FOCAD: variants seen among roughly 807,000 people sequenced by gnomAD.
FOCAD encodes the protein KIAA1797.
Under a neutral mutation model 225.6 loss-of-function variants are expected in FOCAD, and 198 were observed. The observed-to-expected ratio is 0.88, with a 90% CI of 0.78 to 0.99. The LOEUF (loss-of-function observed/expected upper bound fraction) is 0.99, where lower values mean the gene tolerates loss of function less well. FOCAD is among the 50% of genes least tolerant of loss of function. FOCAD has a pLI of 0.00. For synonymous variants in FOCAD, 897 were observed against 755.0 expected (o/e 1.19, Z -3.08); for missense variants, 2,713 against 2,123.6 (o/e 1.28, Z -5.46).
chr9:20,959,208 T>C (rs2132443254), intron 35 of FOCAD, among the ~76,000 whole-genome samples: 1 of 152,276 alleles, frequency 6.6e-6, no homozygotes, highest in South Asian at 2.1e-4. Context: ...TGTTTTTTGT[T>C]TGTTTGTTTG....
chr9:20,994,802 C>T lies in FOCAD; in HGVS notation c.5333-754C>T, dbSNP rs147321456. Among the ~76,000 whole-genome samples, 362 of 152,190 alleles carry T rather than the reference C, an allele frequency of 2.4e-3. 1 individual carries two copies. The highest frequency in any genetic ancestry group is 7.9e-3 in the African/African-American group (330 of 41,522). ...CCCTCTTAGGTTACAAAGATAACAA[C>T]GCATATGGATGAGGAAAGCAATCAT... is the stretch of plus-strand genomic sequence containing the variant. On this transcript the variant is annotated intron_variant, in intron 43 of 43. Transcript: ENST00000338382.
chr9:20,722,976 G>C (rs1297739171), intron 4 of FOCAD, among the ~76,000 whole-genome samples: 1 of 152,190 alleles, frequency 6.6e-6, no homozygotes, highest in African/African-American at 2.4e-5. Context: ...AGTATCTTCT[G>C]TGTATTTGAG....
intron 1 of FOCAD, among the ~76,000 whole-genome samples, chr9:20,703,664 T>C (rs1824157315): frequency 1.3e-5 from 2 of 152,096 alleles, no homozygotes. Context: ...ATTTTTCTAC[T>C]TCATTACTGC....
At chr9:20,954,716 T>A (rs1837979046) in intron 35 of FOCAD, among the ~76,000 whole-genome samples, 1 of 152,230 alleles carries the variant, frequency 6.6e-6, no homozygotes, top group African/African-American at 2.4e-5. Flanking sequence ...AATGAAGTAT[T>A]AAGAATGCCA....
intron 21 of FOCAD, among the ~76,000 whole-genome samples, chr9:20,886,769 T>C (rs1831137110): frequency 6.6e-6 from 1 of 152,210 alleles, no homozygotes; most frequent in African/African-American, 2.4e-5. Flanking sequence ...ATGTAGTTCA[T>C]TTGCTTAAAA....
At position 20,758,203 on chromosome 9, in the gene FOCAD, T is replaced by C. The variant is rs1341747497; in HGVS notation, c.494+12T>C. 6.3e-7 allele frequency: 1 copy of C among 1,591,042 alleles called. No homozygotes were observed. Among genetic ancestry groups the C allele is most frequent in the Non-Finnish European group, 8.6e-7 (1 of 1,163,614 alleles). Reference sequence around the variant, plus strand: ...CAGTGCCCTGAAAGGTAATGTAAAATAAAAGTGTAAAATAAAGTGAGGGAG... The same window carrying C: ...CAGTGCCCTGAAAGGTAATGTAAAACAAAAGTGTAAAATAAAGTGAGGGAG... On this transcript the variant is annotated intron_variant, in intron 6 of 43. Coordinates refer to ENST00000338382, the MANE Select transcript of FOCAD (RefSeq NM_001375567.1).
At chr9:20,956,699 C>T (rs1838164185) in intron 35 of FOCAD, among the ~76,000 whole-genome samples, 1 of 152,010 alleles carries the variant, frequency 6.6e-6, no homozygotes, top group Non-Finnish European at 1.5e-5. Flanking sequence ...GTGTTTGATT[C>T]CTTTTTTGTT....
intron 15 of FOCAD, among the ~76,000 whole-genome samples, chr9:20,842,706 C>T (rs968905092): frequency 1.3e-5 from 2 of 151,908 alleles, no homozygotes; most frequent in African/African-American, 4.8e-5. Flanking sequence ...GAGTTTAGGC[C>T]ACTTATATTC....
At chr9:20,972,787 T>G (rs948832319) in intron 35 of FOCAD, among the ~76,000 whole-genome samples, 2 of 152,220 alleles carry the variant, frequency 1.3e-5, no homozygotes, top group Non-Finnish European at 2.9e-5. Context: ...GACTCTGCCC[T>G]ATTTCTTCTT....
intron 35 of FOCAD, among the ~76,000 whole-genome samples, chr9:20,955,301 T>G (rs1391224423): frequency 6.6e-6 from 1 of 152,162 alleles, no homozygotes; most frequent in Non-Finnish European, 1.5e-5. Context: ...TGGTCTCAAA[T>G]TTAGCCAATC....
chr9:20,967,666 A>C (rs1011071471), intron 35 of FOCAD, among the ~76,000 whole-genome samples: 6 of 152,002 alleles, frequency 3.9e-5, no homozygotes, highest in African/African-American at 1.2e-4. Flanking sequence ...TTAACATAGT[A>C]TTATGTGTGT....
At chr9:20,785,931 T>G (rs1310623691) in intron 10 of FOCAD, among the ~76,000 whole-genome samples, 1 of 152,218 alleles carries the variant, frequency 6.6e-6, no homozygotes, top group Non-Finnish European at 1.5e-5. Context: ...ATTGTTTATC[T>G]TTTTGATGGT....
At chr9:20,711,264 A>T (rs1173769224) in intron 1 of FOCAD, among the ~76,000 whole-genome samples, 1 of 152,210 alleles carries the variant, frequency 6.6e-6, no homozygotes, top group African/African-American at 2.4e-5. Flanking sequence ...GATTGAGCAG[A>T]TTTTGAACAT....
intron 6 of FOCAD, among the ~76,000 whole-genome samples, chr9:20,762,492 A>G (rs969687236): frequency 7.9e-5 from 12 of 152,184 alleles, no homozygotes; most frequent in African/African-American, 2.2e-4. Flanking sequence ...AGTGAGGTAT[A>G]CTGTAGGTGA....
chr9:20,916,527 C>G (rs763509857), intron 23 of FOCAD, among the ~76,000 whole-genome samples: 16 of 152,158 alleles, frequency 1.1e-4, no homozygotes, highest in Non-Finnish European at 2.4e-4. Context: ...GATTAGGATT[C>G]AATTTCAAAT....
chr9:20,775,120 C>T (rs962726942), intron 8 of FOCAD, among the ~76,000 whole-genome samples: 1 of 152,168 alleles, frequency 6.6e-6, no homozygotes, highest in African/African-American at 2.4e-5. Flanking sequence ...ACTCTGTTCT[C>T]TTTCTACTCT....
intron 15 of FOCAD, among the ~76,000 whole-genome samples, chr9:20,860,083 T>C (rs1828622141): frequency 6.6e-6 from 1 of 152,152 alleles, no homozygotes; most frequent in South Asian, 2.1e-4. Flanking sequence ...AAAAGAGCTG[T>C]TGTTAAAAGA....
chr9:20,701,390 C>G (rs1267247680), intron 1 of FOCAD, among the ~76,000 whole-genome samples: 1 of 152,160 alleles, frequency 6.6e-6, no homozygotes, highest in African/African-American at 2.4e-5. Context: ...AGGTTTCCTG[C>G]CAGCTAAGTA....
intron 7 of FOCAD, among the ~76,000 whole-genome samples, chr9:20,766,510 A>G (rs965806775): frequency 2.6e-5 from 4 of 151,982 alleles, no homozygotes; most frequent in Admixed American, 6.6e-5. Flanking sequence ...TTTAGCAAGT[A>G]CTTTTTGACC....
Sources: allele counts gnomAD v4.1 joint callset (sites outside exome capture counted in the v4.1 genomes callset), GRCh38; gene constraint gnomAD v4.1.1; transcripts MANE v1.5; gene names NCBI Gene and HGNC (gene_info 2026-07-23, HGNC 2026-07-21).